Variants in GLRA2 observed in about 807,000 individuals in gnomAD.
GLRA2 encodes glycine receptor subunit alpha-2.
In GLRA2, 11 loss-of-function variants were observed where a neutral mutation model predicts 31.6. The observed-to-expected ratio is 0.35, with a 90% CI of 0.22 to 0.58. The LOEUF (loss-of-function observed/expected upper bound fraction) is 0.58, where lower values mean the gene tolerates loss of function less well. GLRA2 is among the 20% of genes least tolerant of loss of function. GLRA2 has a pLI of 0.84. For missense variants in GLRA2, 212 were observed against 351.8 expected, an observed-to-expected ratio of 0.60 and a Z score of 3.18; for synonymous variants, 132 against 134.0, an observed-to-expected ratio of 0.99 and a Z score of 0.10.
At chrX:14,567,550 C>G (rs2089823557) in intron 2 of GLRA2, among the ~76,000 whole-genome samples, 1 of 112,434 alleles carries the variant, frequency 8.9e-6, no homozygotes, top group African/African-American at 3.2e-5. Context: ...AGATTGAAAG[C>G]TTTTCCTTCT....
At chrX:14,691,271 CTGTGTGTGTG>C (rs4014173) in intron 8 of GLRA2, among the ~76,000 whole-genome samples, 24,183 of 84,989 alleles carry the variant, frequency 0.28, 2,398 homozygotes, top group Non-Finnish European at 0.32. Context: ...TAAATATTGA[CTGTGTGTGTG>C]TGTGTGTGTG....
intron 7 of GLRA2, among the ~76,000 whole-genome samples, chrX:14,677,498 GGGCT>G (rs1343641605): frequency 2.7e-5 from 3 of 111,956 alleles, no homozygotes; most frequent in African/African-American, 9.7e-5. Flanking sequence ...AGACGACCGT[GGGCT>G]AGAATAGGCA....
At chrX:14,703,087 G>T (rs758491114) in intron 8 of GLRA2, among the ~76,000 whole-genome samples, 1 of 111,971 alleles carries the variant, frequency 8.9e-6, no homozygotes, top group East Asian at 2.8e-4. Context: ...ATGCAAAGCA[G>T]TCAGGGTCTA....
intron 7 of GLRA2, among the ~76,000 whole-genome samples, chrX:14,681,148 A>C (rs1016986351): frequency 8.9e-6 from 1 of 112,358 alleles, no homozygotes; most frequent in African/African-American, 3.2e-5. Flanking sequence ...TTGGTGTTCC[A>C]GAAGAGCAAA....
chrX:14,545,502 AAC>A (rs2089466897), intron 2 of GLRA2, among the ~76,000 whole-genome samples: 1 of 111,637 alleles, frequency 9.0e-6, no homozygotes, highest in South Asian at 3.8e-4. Context: ...TTAAATTTTC[AAC>A]ACATGAGCTT....
intron 7 of GLRA2, among the ~76,000 whole-genome samples, chrX:14,677,566 G>A (rs2091157645): frequency 8.9e-6 from 1 of 112,271 alleles, no homozygotes; most frequent in South Asian, 3.6e-4. Flanking sequence ...AGAATTATCT[G>A]GAAATAAACA....
chrX:14,618,796 C>A (rs1334051547), intron 7 of GLRA2, among the ~76,000 whole-genome samples: 1 of 111,565 alleles, frequency 9.0e-6, no homozygotes. Flanking sequence ...GGCCCCCGTT[C>A]CTTGCTGCTG....
the GLRA2 span, among the ~76,000 whole-genome samples, chrX:14,509,582 T>A: frequency 8.9e-6 from 1 of 112,028 alleles, no homozygotes; most frequent in African/African-American, 3.2e-5. Context: ...CTTCATAAAG[T>A]GGGGCTTAGG....
chrX:14,454,174 CCACACCCACACACCCACACA>C, the GLRA2 span, among the ~76,000 whole-genome samples: 3 of 26,270 alleles, frequency 1.1e-4, no homozygotes, highest in East Asian at 2.3e-3. Context: ...CCACACACAC[CCACACCCACACACCCACACA>C]CACACACACA....
At chrX:14,721,232 G>T (rs942772795) in intron 8 of GLRA2, among the ~76,000 whole-genome samples, 1 of 110,809 alleles carries the variant, frequency 9.0e-6, no homozygotes, top group African/African-American at 3.3e-5. Context: ...GTTTTAGTTA[G>T]GAGGATTACG....
chrX:14,492,813 A>G, the GLRA2 span, among the ~76,000 whole-genome samples: 1 of 112,049 alleles, frequency 8.9e-6, no homozygotes, highest in African/African-American at 3.2e-5. Flanking sequence ...TATAAAGAAC[A>G]AGAATTTACG....
At chrX:14,527,770 G>A (rs1490740439), upstream of GLRA2, among the ~76,000 whole-genome samples, 3 of 111,791 alleles carry the variant, frequency 2.7e-5, no homozygotes, top group South Asian at 3.7e-4. Context: ...ATTTTTCCAT[G>A]TAGAACCAAT....
At chrX:14,554,166 A>G (rs927632717) in intron 2 of GLRA2, among the ~76,000 whole-genome samples, 2 of 112,377 alleles carry the variant, frequency 1.8e-5, no homozygotes, top group Non-Finnish European at 3.8e-5. Context: ...TTGTAAACAC[A>G]ACAAGCACCA....
intron 7 of GLRA2, among the ~76,000 whole-genome samples, chrX:14,625,443 C>T (rs756007638): frequency 9.0e-6 from 1 of 111,507 alleles, no homozygotes; most frequent in African/African-American, 3.3e-5. Flanking sequence ...TTCCTAGCAT[C>T]GATGGTCTTT....
chrX:14,586,594 A>G (rs1389853858), intron 4 of GLRA2, among the ~76,000 whole-genome samples: 1 of 112,136 alleles, frequency 8.9e-6, no homozygotes, highest in Non-Finnish European at 1.9e-5. Context: ...GAGAGAGTCA[A>G]ATTCTAAATT....
chrX:14,564,189 G>A (rs952857581), intron 2 of GLRA2, among the ~76,000 whole-genome samples: 1 of 111,030 alleles, frequency 9.0e-6, no homozygotes, highest in African/African-American at 3.3e-5. Flanking sequence ...CAAAAACAAT[G>A]AGGACACTGT....
chrX:14,532,215 TA>T, intron 1 of GLRA2, 23 bp from the exon 2 acceptor site: 1 of 1,077,677 alleles, frequency 9.3e-7, no homozygotes, highest in Non-Finnish European at 1.2e-6. Flanking sequence ...AAATTGTTGC[TA>T]AAAGAGTTAA....
At chrX:14,582,312 C>T (rs182978428) in intron 4 of GLRA2, among the ~76,000 whole-genome samples, 271 of 104,599 alleles carry the variant, frequency 2.6e-3, no homozygotes, top group African/African-American at 9.1e-3. Flanking sequence ...TGAGAATATG[C>T]GGTGTTTGGT....
chrX:14,640,505 AAATGTTAAGGGTAC>A (rs1421058257), intron 7 of GLRA2, among the ~76,000 whole-genome samples: 1 of 111,813 alleles, frequency 8.9e-6, no homozygotes, highest in Non-Finnish European at 1.9e-5. Flanking sequence ...AAATGCCATA[AAATGTTAAGGGTAC>A]AATTCATAAA....
Sources: gnomAD v4.1 joint callset for allele counts (sites outside exome capture counted in the v4.1 genomes callset) on GRCh38, gnomAD v4.1.1 for gene constraint, MANE v1.5 for transcripts, NCBI Gene and HGNC (gene_info 2026-07-23, HGNC 2026-07-21) for gene names.